PPP1R9A: variants seen among roughly 807,000 people sequenced by gnomAD.
The protein encoded by PPP1R9A is protein phosphatase 1 regulatory subunit 9A.
PPP1R9A carries 59 observed loss-of-function variants against 141.9 expected under a neutral mutation model. The observed-to-expected ratio is 0.42, with a 90% CI of 0.34 to 0.52. The LOEUF is 0.52. Among genes scored for constraint, PPP1R9A ranks in the 20% least tolerant of loss-of-function variants. The pLI is 0.10. For synonymous variants in PPP1R9A, 500 were observed against 569.7 expected (o/e 0.88, Z 1.74); for missense variants, 1,444 against 1,611.9 (o/e 0.90, Z 1.78).
At chr7:94,993,552 C>T (rs1035598907) in intron 2 of PPP1R9A, among the ~76,000 whole-genome samples, 2 of 152,092 alleles carry the variant, frequency 1.3e-5, no homozygotes, top group African/African-American at 4.8e-5. Flanking sequence ...GTATAGGTCT[C>T]TTTAATTTCT....
At chr7:94,914,779 A>G (rs1448756764) in intron 2 of PPP1R9A, among the ~76,000 whole-genome samples, 1 of 152,206 alleles carries the variant, frequency 6.6e-6, no homozygotes. Flanking sequence ...GGAGCCCCTA[A>G]TATGTGTCAG....
At chr7:95,279,162 C>T (rs1025682070) in intron 16 of PPP1R9A, among the ~76,000 whole-genome samples, 2 of 152,196 alleles carry the variant, frequency 1.3e-5, no homozygotes, top group Non-Finnish European at 2.9e-5. Flanking sequence ...ATGGATTATA[C>T]TTCAGGCTGT....
At chr7:95,077,347 C>T (rs563401811) in intron 2 of PPP1R9A, among the ~76,000 whole-genome samples, 8 of 151,968 alleles carry the variant, frequency 5.3e-5, no homozygotes, top group Non-Finnish European at 1.0e-4. Flanking sequence ...AGACTTTTAC[C>T]GACATGTTAG....
chr7:95,007,291 G>C (rs1161203637), intron 2 of PPP1R9A, among the ~76,000 whole-genome samples: 1 of 152,140 alleles, frequency 6.6e-6, no homozygotes, highest in East Asian at 1.9e-4. Context: ...ATAATTCTTT[G>C]TCATGGGAGA....
chr7:95,270,562 TA>T (rs1268027393), intron 14 of PPP1R9A, among the ~76,000 whole-genome samples: 1 of 152,128 alleles, frequency 6.6e-6, no homozygotes, highest in African/African-American at 2.4e-5. Context: ...TTAGAGGAAG[TA>T]AAAGATTTTT....
intron 2 of PPP1R9A, among the ~76,000 whole-genome samples, chr7:94,927,273 C>G (rs1272255133): frequency 6.6e-6 from 1 of 151,980 alleles, no homozygotes; most frequent in East Asian, 1.9e-4. Flanking sequence ...TGATAATATC[C>G]TCTTTATTTA....
chr7:95,141,276 A>T (rs1826631475), intron 4 of PPP1R9A, among the ~76,000 whole-genome samples: 1 of 152,200 alleles, frequency 6.6e-6, no homozygotes. Context: ...AATATATTTT[A>T]TTGGAATGAT....
chr7:95,229,184 A>G (rs950249470), intron 8 of PPP1R9A, among the ~76,000 whole-genome samples: 1 of 151,870 alleles, frequency 6.6e-6, no homozygotes, highest in Non-Finnish European at 1.5e-5. Flanking sequence ...GGTTGGACAG[A>G]ACAGCATGTG....
At chr7:95,188,947 A>C (rs1222941656) in intron 5 of PPP1R9A, among the ~76,000 whole-genome samples, 1 of 152,006 alleles carries the variant, frequency 6.6e-6, no homozygotes, top group African/African-American at 2.4e-5. Flanking sequence ...GGTGCATTTC[A>C]AGGGTTTGTT....
chr7:95,107,601 A>ATAGACCACTC (rs1431268688), intron 2 of PPP1R9A, among the ~76,000 whole-genome samples: 1 of 152,148 alleles, frequency 6.6e-6, no homozygotes, highest in Non-Finnish European at 1.5e-5. Context: ...AATTTATTAA[A>ATAGACCACTC]TAGACCACTC....
intron 2 of PPP1R9A, among the ~76,000 whole-genome samples, chr7:94,928,839 A>G (rs1229227531): frequency 1.3e-5 from 2 of 152,076 alleles, no homozygotes; most frequent in African/African-American, 4.8e-5. Flanking sequence ...GATGACAGAA[A>G]CTCTTTCAAC....
At chr7:95,254,672 A>G (rs1025245280) in intron 12 of PPP1R9A, among the ~76,000 whole-genome samples, 4 of 152,126 alleles carry the variant, frequency 2.6e-5, no homozygotes, top group Non-Finnish European at 2.9e-5. Flanking sequence ...GTGTAGGTCA[A>G]TGAAAATGGT....
At chr7:95,173,593 C>T (rs1832474858) in intron 5 of PPP1R9A, among the ~76,000 whole-genome samples, 1 of 151,828 alleles carries the variant, frequency 6.6e-6, no homozygotes, top group Admixed American at 6.6e-5. Context: ...AATGGAAAAA[C>T]AAGCCACAGA....
chr7:95,275,546 T>G (rs972653772), intron 16 of PPP1R9A, among the ~76,000 whole-genome samples: 9 of 152,240 alleles, frequency 5.9e-5, no homozygotes, highest in Non-Finnish European at 1.0e-4. Context: ...TTGCTCCTCC[T>G]GTGTAGATGT....
intron 2 of PPP1R9A, among the ~76,000 whole-genome samples, chr7:95,093,268 C>G (rs1040236779): frequency 3.3e-5 from 5 of 152,088 alleles, no homozygotes; most frequent in Non-Finnish European, 7.4e-5. Flanking sequence ...CATTAAAGCC[C>G]TAATTGACCC....
At chr7:95,178,735 G>A (rs1319099451) in intron 5 of PPP1R9A, among the ~76,000 whole-genome samples, 1 of 152,026 alleles carries the variant, frequency 6.6e-6, no homozygotes, top group African/African-American at 2.4e-5. Flanking sequence ...ATCATTCAAG[G>A]CTACTATGAA....
intron 2 of PPP1R9A, among the ~76,000 whole-genome samples, chr7:95,093,098 CATGGG>C (rs1817574784): frequency 6.6e-6 from 1 of 152,144 alleles, no homozygotes; most frequent in African/African-American, 2.4e-5. Flanking sequence ...AGTTCTTATA[CATGGG>C]ATGATGTTTT....
At position 95,246,506 on chromosome 7, in the gene PPP1R9A, G is replaced by T. The variant is rs560661621; in HGVS notation, c.2113-967G>T. ...AGTCTTCATGTACCTCGCTTAGTGG[G>T]AATATTCATGTTTGGTGGCAAAAAT... On this transcript the variant is annotated intron_variant, in intron 8 of 19. Coordinates refer to ENST00000433360, the MANE Select transcript of PPP1R9A (RefSeq NM_001166160.2). Among the ~76,000 whole-genome samples, 36 of 152,250 alleles carry T rather than the reference G, an allele frequency of 2.4e-4. 1 individual carries two copies. The highest frequency in any genetic ancestry group is 6.5e-4 in the Admixed American group (10 of 15,278).
intron 10 of PPP1R9A, among the ~76,000 whole-genome samples, chr7:95,250,882 G>A (rs574262396): frequency 7.9e-5 from 12 of 151,886 alleles, no homozygotes; most frequent in Admixed American, 2.6e-4. Context: ...CTTGGATCTC[G>A]GTGTAATGTC....
Sources: gnomAD v4.1 joint callset for allele counts (sites outside exome capture counted in the v4.1 genomes callset) on GRCh38, gnomAD v4.1.1 for gene constraint, MANE v1.5 for transcripts, NCBI Gene and HGNC (gene_info 2026-07-23, HGNC 2026-07-21) for gene names.